Variants in PDE11A observed in about 807,000 individuals in gnomAD.
PDE11A encodes the protein dual 3',5'-cyclic-AMP and -GMP phosphodiesterase 11A.
In PDE11A, 100 loss-of-function variants were observed where a neutral mutation model predicts 100.5. The observed-to-expected ratio is 1.00, with a 90% CI of 0.85 to 1.18. PDE11A has a LOEUF of 1.18. Among genes scored for constraint, PDE11A ranks in the 50% most tolerant of loss-of-function variants. PDE11A has a pLI of 0.00. For synonymous variants in PDE11A, 381 were observed against 420.8 expected (o/e 0.91, Z 1.16); for missense variants, 1,141 against 1,152.6 (o/e 0.99, Z 0.15).
chr2:177,967,431 C>G (rs908401550), intron 2 of PDE11A, among the ~76,000 whole-genome samples: 38 of 152,144 alleles, frequency 2.5e-4, no homozygotes, highest in Middle Eastern at 3.4e-3. Flanking sequence ...CTCCTGTCCT[C>G]AGGTGATCCA....
intron 10 of PDE11A, among the ~76,000 whole-genome samples, chr2:177,729,048 T>C (rs2081644451): frequency 6.6e-6 from 1 of 152,162 alleles, no homozygotes. Context: ...CATATTCCTA[T>C]CTATTCACTG....
At chr2:177,990,597 G>T (rs780228742) in intron 2 of PDE11A, among the ~76,000 whole-genome samples, 5 of 152,002 alleles carry the variant, frequency 3.3e-5, no homozygotes, top group Non-Finnish European at 7.4e-5. Flanking sequence ...AATTAGCTGG[G>T]TATGGTAGGG....
rs2081265743 is a variant in PDE11A, at chr2:177,705,546, A to T, written c.2154-4335T>A. On this transcript the variant is annotated intron_variant, in intron 13 of 19. Coordinates refer to ENST00000286063, the MANE Select transcript of PDE11A (RefSeq NM_016953.4). ...TGAGGAGAAACTTATTAAAAAGAAA[A>T]GTCAAGGTGGAAATTTCCCTATAGG... Among the ~76,000 whole-genome samples the T allele has an allele frequency of 3.3e-5, 5 of 152,230 alleles. No homozygotes were observed. In the South Asian group the frequency reaches 1.0e-3, roughly 31 times the overall value.
At chr2:178,104,585 G>T in intron 1 of PDE11A, 1 of 890,310 alleles carries the variant, frequency 1.1e-6, no homozygotes, top group Non-Finnish European at 1.8e-6. Context: ...TGCTGATGAT[G>T]TTAAACAAAA....
intron 19 of PDE11A, among the ~76,000 whole-genome samples, 184 bp downstream of exon 19, chr2:177,663,682 C>G (rs991585716): frequency 6.6e-6 from 1 of 152,116 alleles, no homozygotes; most frequent in South Asian, 2.1e-4. Flanking sequence ...AGGTCTGCAG[C>G]CTCCTAGAAC....
intron 10 of PDE11A, among the ~76,000 whole-genome samples, chr2:177,763,897 TG>T (rs2082204067): frequency 6.6e-6 from 1 of 152,120 alleles, no homozygotes; most frequent in Non-Finnish European, 1.5e-5. Context: ...TCCATGCACT[TG>T]GCCAGCCAAG....
At chr2:177,664,010 T>A (rs1331211437) in intron 18 of PDE11A, 61 bp from the exon 19 acceptor site, 22 of 987,954 alleles carry the variant, frequency 2.2e-5, no homozygotes, top group African/African-American at 4.8e-5. Flanking sequence ...CAGGGTGCTT[T>A]GTCAAACACT....
intron 2 of PDE11A, among the ~76,000 whole-genome samples, chr2:177,996,432 A>C (rs1476681916): frequency 6.6e-6 from 1 of 150,764 alleles, no homozygotes; most frequent in African/African-American, 2.4e-5. Flanking sequence ...AAAGTGATTT[A>C]TGTCGTGTAG....
At chr2:178,066,012 T>C (rs1195845274) in intron 1 of PDE11A, among the ~76,000 whole-genome samples, 2 of 151,964 alleles carry the variant, frequency 1.3e-5, no homozygotes, top group Non-Finnish European at 1.5e-5. Flanking sequence ...TAAATACAAT[T>C]TTATGTATAA....
At chr2:178,082,814 C>A (rs1047176567) in intron 2 of PDE11A, among the ~76,000 whole-genome samples, 1 of 152,086 alleles carries the variant, frequency 6.6e-6, no homozygotes, top group African/African-American at 2.4e-5. Flanking sequence ...ACTCCATGGT[C>A]GGTGGGGCAG....
At chr2:177,737,657 G>A (rs1362795230) in intron 10 of PDE11A, among the ~76,000 whole-genome samples, 1 of 151,896 alleles carries the variant, frequency 6.6e-6, no homozygotes, top group Non-Finnish European at 1.5e-5. Flanking sequence ...ATGCTGGGAG[G>A]GTGGGAGTGG....
intron 6 of PDE11A, among the ~76,000 whole-genome samples, chr2:177,827,522 C>A (rs944377040): frequency 2.0e-5 from 3 of 152,176 alleles, no homozygotes; most frequent in African/African-American, 7.2e-5. Flanking sequence ...GCAAATACTG[C>A]ATGTGATGGC....
intron 2 of PDE11A, among the ~76,000 whole-genome samples, chr2:177,985,187 A>G (rs1301626212): frequency 6.6e-6 from 1 of 152,210 alleles, no homozygotes; most frequent in Non-Finnish European, 1.5e-5. Flanking sequence ...CTGTGCTGTG[A>G]CTATTATCAC....
At chr2:177,685,411 T>C (rs1462356847) in intron 15 of PDE11A, among the ~76,000 whole-genome samples, 1 of 152,190 alleles carries the variant, frequency 6.6e-6, no homozygotes, top group African/African-American at 2.4e-5. Flanking sequence ...TTCCATCCAA[T>C]ATCTGACTCA....
chr2:178,043,506 A>G (rs1049526487), intron 1 of PDE11A, among the ~76,000 whole-genome samples: 1 of 152,184 alleles, frequency 6.6e-6, no homozygotes, highest in Non-Finnish European at 1.5e-5. Context: ...AAGCGGAGAC[A>G]TAAGAGTCAT....
intron 2 of PDE11A, among the ~76,000 whole-genome samples, chr2:177,920,001 T>C (rs2085017655): frequency 6.6e-6 from 1 of 152,048 alleles, no homozygotes; most frequent in African/African-American, 2.4e-5. Flanking sequence ...GTTTCATCAA[T>C]AAATCGTGTT....
intron 2 of PDE11A, among the ~76,000 whole-genome samples, chr2:177,939,676 T>C (rs187077881): frequency 6.6e-6 from 1 of 152,260 alleles, no homozygotes; most frequent in Non-Finnish European, 1.5e-5. Flanking sequence ...TGGAATGCAA[T>C]CAGCAAAATC....
chr2:177,790,684 A>C (rs1278400773), intron 9 of PDE11A, among the ~76,000 whole-genome samples: 1 of 152,150 alleles, frequency 6.6e-6, no homozygotes, highest in Admixed American at 6.5e-5. Flanking sequence ...AACTCAAACA[A>C]ATTTACAAGA....
intron 10 of PDE11A, among the ~76,000 whole-genome samples, chr2:177,768,685 A>G (rs2082270968): frequency 6.6e-6 from 1 of 152,076 alleles, no homozygotes; most frequent in African/African-American, 2.4e-5. Context: ...TCATTCATAG[A>G]CTCATCAGAT....
Sources: allele counts gnomAD v4.1 joint callset (sites outside exome capture counted in the v4.1 genomes callset), GRCh38; gene constraint gnomAD v4.1.1; transcripts MANE v1.5; gene names NCBI Gene and HGNC (gene_info 2026-07-23, HGNC 2026-07-21).